BTBD9: variants seen among roughly 807,000 people sequenced by gnomAD.
BTBD9 encodes the protein BTB domain containing 9, also known as BTB/POZ domain-containing protein 9.
Under a neutral mutation model 64.3 loss-of-function variants are expected in BTBD9, and 49 were observed. The ratio of observed to expected loss-of-function variants is 0.76; its 90% CI spans 0.61 to 0.97. The LOEUF (loss-of-function observed/expected upper bound fraction) is 0.97. Ranked by LOEUF, BTBD9 falls within the 50% of genes least tolerant of loss-of-function variation. The pLI, the probability that BTBD9 is intolerant of heterozygous loss-of-function variation, is 0.00. For missense variants in BTBD9, 598 were observed against 762.1 expected, an observed-to-expected ratio of 0.78 and a Z score of 2.53; for synonymous variants, 260 against 274.7, an observed-to-expected ratio of 0.95 and a Z score of 0.53.
Position 38,593,998 on chromosome 6 carries a change from A to T in BTBD9, c.515T>A (p.Val172Asp). The T allele has an allele frequency of 1.9e-6, 3 of 1,613,906 alleles. No individual in the cohort carries two copies. Among genetic ancestry groups the T allele is most frequent in the Non-Finnish European group, 2.5e-6 (3 of 1,179,896 alleles). ...GGAGAGGAAACCTTCACTTGAGAGG[A>T]CTTCCTGAGCATTCCTATCCATAAA... ...CMFMDRNAQE[V>D]LSSEGFLSLS... Residue 172 changes from valine (V) to aspartate (D), a missense_variant, in exon 3 of 11, where the codon GTC becomes GAC. Coordinates refer to ENST00000481247, the MANE Select transcript of BTBD9 (RefSeq NM_001099272.2).
At chr6:38,498,617 G>C (rs974977230) in intron 6 of BTBD9, among the ~76,000 whole-genome samples, 1 of 152,076 alleles carries the variant, frequency 6.6e-6, no homozygotes, top group African/African-American at 2.4e-5. Context: ...AGCAACAAAG[G>C]CTGGGCAACA....
chr6:38,287,107 TATACACACACACAC>T (rs1561974636), intron 8 of BTBD9, among the ~76,000 whole-genome samples: 6 of 57,548 alleles, frequency 1.0e-4, no homozygotes, highest in South Asian at 1.1e-3. Flanking sequence ...AAAAAAAAAA[TATACACACACACAC>T]ACACACACAC....
intron 9 of BTBD9, 32 bp downstream of exon 9, chr6:38,256,377 T>C: frequency 1.3e-6 from 2 of 1,481,708 alleles, no homozygotes; most frequent in Non-Finnish European, 1.9e-6. Context: ...GTCTTTTCAA[T>C]AGGAATAAAT....
chr6:38,350,652 C>T (rs994210755), intron 6 of BTBD9, among the ~76,000 whole-genome samples: 16 of 152,152 alleles, frequency 1.1e-4, no homozygotes, highest in African/African-American at 3.9e-4. Flanking sequence ...TTAGGTTAAA[C>T]AAAGAATCTT....
chr6:38,485,679 TTTG>T (rs766949461), intron 6 of BTBD9, among the ~76,000 whole-genome samples: 8 of 152,190 alleles, frequency 5.3e-5, no homozygotes, highest in Non-Finnish European at 1.0e-4. Context: ...TCATCCAGGC[TTTG>T]TTGTTCCATC....
chr6:38,444,148 C>T (rs968833166), intron 6 of BTBD9, among the ~76,000 whole-genome samples: 1 of 152,192 alleles, frequency 6.6e-6, no homozygotes, highest in African/African-American at 2.4e-5. Context: ...CCAGGCTTAA[C>T]CATCTAGAAG....
chr6:38,528,568 A>C (rs1773625526), intron 6 of BTBD9, among the ~76,000 whole-genome samples: 1 of 152,200 alleles, frequency 6.6e-6, no homozygotes, highest in Non-Finnish European at 1.5e-5. Flanking sequence ...ATTTTGTCTT[A>C]ACATGGATAA....
intron 7 of BTBD9, among the ~76,000 whole-genome samples, chr6:38,309,691 G>A (rs1013643008): frequency 5.3e-5 from 8 of 151,664 alleles, no homozygotes; most frequent in Non-Finnish European, 1.0e-4. Flanking sequence ...GATTACAGGT[G>A]TGAACCACTG....
intron 6 of BTBD9, among the ~76,000 whole-genome samples, chr6:38,388,435 C>A (rs1054195971): frequency 6.6e-6 from 1 of 152,188 alleles, no homozygotes; most frequent in Non-Finnish European, 1.5e-5. Flanking sequence ...GTTAGGATTA[C>A]AGTCTACTTA....
chr6:38,281,323 T>A (rs1434856798), intron 8 of BTBD9, among the ~76,000 whole-genome samples: 1 of 152,210 alleles, frequency 6.6e-6, no homozygotes, highest in Non-Finnish European at 1.5e-5. Flanking sequence ...TAGAGTTGGT[T>A]GTAGCCACAC....
At chr6:38,244,369 AT>A (rs1764109360) in intron 9 of BTBD9, among the ~76,000 whole-genome samples, 1 of 152,140 alleles carries the variant, frequency 6.6e-6, no homozygotes, top group Non-Finnish European at 1.5e-5. Flanking sequence ...GAGCTCTAGG[AT>A]TCCAGAGTGA....
Position 38,374,292 on chromosome 6 carries a change from T to TATATATACAC in BTBD9, c.1155-29200_1155-29199insGTGTATATAT, listed in dbSNP as rs1217899727. Among the ~76,000 whole-genome samples the TATATATACAC allele has an allele frequency of 9.0e-5, 7 of 77,494 alleles. 1 individual carries two copies. The highest frequency in any genetic ancestry group is 6.1e-4 in the African/African-American group (7 of 11,426). 50.8% of individuals were successfully genotyped at this position (77,494 alleles called of 152,430 possible). ...TCGAAAAAAAAAAAAAGTATATATA[T>TATATATACAC]ATATGTATATATATGTATATATATA... On this transcript the variant is annotated intron_variant, in intron 6 of 10. Transcript: ENST00000481247.
Position 38,330,491 on chromosome 6 carries a change from A to G in BTBD9, c.1264+14493T>C, listed in dbSNP as rs534570112. 5.9e-5 allele frequency among the ~76,000 whole-genome samples: 9 copies of G among 152,302 alleles called. 1 individual carries two copies. The South Asian group carries it at 1.2e-3, about 21-fold the overall frequency. ...CACTTAAGCCCAGGAGTTTGAGGAC[A>G]GCCTGGGCAACATAGCAAGACCTCG... is the stretch of plus-strand genomic sequence containing the variant. On this transcript the variant is annotated intron_variant, in intron 7 of 10. Transcript: ENST00000481247.
intron 9 of BTBD9, among the ~76,000 whole-genome samples, chr6:38,230,725 T>C (rs375843828): frequency 1.3e-5 from 2 of 152,164 alleles, no homozygotes; most frequent in Admixed American, 6.6e-5. Context: ...ACACATACCA[T>C]GTTAATTCCC....
rs567010284 is a variant in BTBD9 at position 38,466,405 on chromosome 6, C to T, written c.1154+111195G>A. On this transcript the variant is annotated intron_variant, in intron 6 of 10. Transcript: ENST00000481247. Reference sequence around the variant, plus strand: ...CTCCCGGATTCAAGCAATTCTCCTGCGTCAGCTTCCCGAGTAGCTGAGACT... The same window carrying T: ...CTCCCGGATTCAAGCAATTCTCCTGTGTCAGCTTCCCGAGTAGCTGAGACT... 6.0e-5 allele frequency among the ~76,000 whole-genome samples: 9 copies of T among 149,452 alleles called. No homozygotes were observed. In the South Asian group the frequency reaches 1.7e-3, roughly 28 times the overall value.
chr6:38,552,940 A>G (rs1361783632), intron 6 of BTBD9, among the ~76,000 whole-genome samples: 4 of 152,102 alleles, frequency 2.6e-5, no homozygotes, highest in Non-Finnish European at 5.9e-5. Flanking sequence ...ATGCTCAAGT[A>G]CCTTACATCA....
chr6:38,342,818 G>T (rs926075720), intron 7 of BTBD9, among the ~76,000 whole-genome samples: 12 of 152,322 alleles, frequency 7.9e-5, no homozygotes, highest in African/African-American at 2.9e-4. Flanking sequence ...ATGCACCTGA[G>T]ATTATCAACA....
At position 38,247,352 on chromosome 6, in the gene BTBD9, A is replaced by G. The variant is rs185841853; in HGVS notation, c.1562+9057T>C. Reference sequence around the variant, plus strand: ...ACCATTCCTAGGGAATAAATAGCAGATACAGAAACAGATCCCAGGACTAAG... The same window carrying G: ...ACCATTCCTAGGGAATAAATAGCAGGTACAGAAACAGATCCCAGGACTAAG... On this transcript the variant is annotated intron_variant, in intron 9 of 10. Coordinates refer to ENST00000481247, the MANE Select transcript of BTBD9 (RefSeq NM_001099272.2). 3.2e-3 allele frequency among the ~76,000 whole-genome samples: 481 copies of G among 152,336 alleles called. 1 individual carries two copies. Among genetic ancestry groups the G allele is most frequent in the African/African-American group, 0.011 (452 of 41,572 alleles).
chr6:38,196,219 G>T (rs532764485), intron 9 of BTBD9, among the ~76,000 whole-genome samples: 31 of 152,324 alleles, frequency 2.0e-4, no homozygotes, highest in African/African-American at 7.5e-4. Context: ...GCTTTTAACA[G>T]CTCTAGGACC....
Sources: allele counts gnomAD v4.1 joint callset (sites outside exome capture counted in the v4.1 genomes callset), GRCh38; gene constraint gnomAD v4.1.1; transcripts MANE v1.5; gene names NCBI Gene and HGNC (gene_info 2026-07-23, HGNC 2026-07-21).